The following CEP152 variants were observed in gnomAD, a reference collection of about 807,000 sequenced individuals.
CEP152 encodes the protein centrosomal protein 152, also known as centrosomal protein of 152 kDa.
In CEP152, 132 loss-of-function variants were observed where a neutral mutation model predicts 188.9. The ratio of observed to expected loss-of-function variants is 0.70; its 90% confidence interval spans 0.61 to 0.81. The LOEUF is 0.81. Among genes scored for constraint, CEP152 ranks in the 30% least tolerant of loss-of-function variants. The pLI is 0.00. For missense variants in CEP152, 1,914 were observed against 1,969.8 expected (o/e 0.97, Z 0.54); for synonymous variants, 649 against 666.6 (o/e 0.97, Z 0.41).
At chr15:48,743,810 C>A (rs1893202966) in intron 24 of CEP152, among the ~76,000 whole-genome samples, 1 of 152,082 alleles carries the variant, frequency 6.6e-6, no homozygotes, top group Non-Finnish European at 1.5e-5. Flanking sequence ...TTGCAGTGAG[C>A]CGAGACTGCA....
At position 48,744,220 on chromosome 15, in the gene CEP152, A is replaced by G. The variant is rs146499681; in HGVS notation, c.3835+20T>C. 6.2e-7 allele frequency: 1 copy of G among 1,613,212 alleles called. No individual in the cohort carries two copies. Among genetic ancestry groups the G allele is most frequent in the Non-Finnish European group, 8.5e-7 (1 of 1,179,622 alleles). On this transcript the variant is annotated intron_variant, in intron 24 of 26. Coordinates refer to ENST00000380950, the MANE Select transcript of CEP152 (RefSeq NM_001194998.2). ...AAAAAAGGCCCAAGCCATCCTTAAA[A>G]TCTTCAGAATTAAACTTACATTTAA...
intron 8 of CEP152, 71 bp from the exon 9 acceptor site, chr15:48,789,072 AC>A: frequency 7.9e-7 from 1 of 1,273,250 alleles, no homozygotes; most frequent in South Asian, 1.2e-5. Flanking sequence ...CTGTCTATAA[AC>A]TTTTACTTTT....
chr15:48,748,875 C>A (rs1893673921), intron 21 of CEP152, among the ~76,000 whole-genome samples: 1 of 151,982 alleles, frequency 6.6e-6, no homozygotes, highest in African/African-American at 2.4e-5. Flanking sequence ...AGTCATGAAA[C>A]CTATTGCTCT....
chr15:48,746,734 A>G (rs1893460440), intron 22 of CEP152, among the ~76,000 whole-genome samples: 1 of 152,182 alleles, frequency 6.6e-6, no homozygotes, highest in Non-Finnish European at 1.5e-5. Context: ...ATTGCTATAA[A>G]GACTACACTC....
chr15:48,791,485 A>C, intron 7 of CEP152, 109 bp from the exon 8 acceptor site: 1 of 976,414 alleles, frequency 1.0e-6, no homozygotes, highest in Non-Finnish European at 1.5e-6. Context: ...TGTTGAATTA[A>C]ATTTAATTCA....
In CEP152 at chr15:48,756,020, A is replaced by T; in HGVS notation, c.3228T>A (p.Thr1076=). ...EDKQLLEIMS[T]CSSKWMSVQY... is the part of the protein sequence containing the mutation. Reference sequence around the variant, plus strand: ...GCACAGACATCCATTTTGAAGAACAAGTCGACATGATTTCCAAAAGCTGCT... The same window carrying T: ...GCACAGACATCCATTTTGAAGAACATGTCGACATGATTTCCAAAAGCTGCT... Residue 1076 remains threonine (T), a synonymous_variant, in exon 20 of 27, where the codon ACT becomes ACA. Coordinates refer to ENST00000380950, the MANE Select transcript of CEP152 (RefSeq NM_001194998.2). The T allele has an allele frequency of 6.2e-7, 1 of 1,614,132 alleles. No homozygotes were observed. Among genetic ancestry groups the T allele is most frequent in the East Asian group, 2.2e-5 (1 of 44,882 alleles).
chr15:48,771,192 T>C (rs1567002609), intron 13 of CEP152, among the ~76,000 whole-genome samples: 2 of 152,348 alleles, frequency 1.3e-5, no homozygotes, highest in East Asian at 1.9e-4. Context: ...TGTGATAGCA[T>C]GATCTTACAG....
intron 8 of CEP152, among the ~76,000 whole-genome samples, chr15:48,789,766 G>T (rs1178054948): frequency 6.6e-6 from 1 of 152,160 alleles, no homozygotes; most frequent in Non-Finnish European, 1.5e-5. Flanking sequence ...AACACAGGTG[G>T]CCTCTAGAAG....
chr15:48,735,147 G>T (rs571475505), downstream of CEP152, among the ~76,000 whole-genome samples: 1 of 152,016 alleles, frequency 6.6e-6, no homozygotes, highest in Non-Finnish European at 1.5e-5. Flanking sequence ...TAAAAGGATG[G>T]AAATCATTCA....
intron 20 of CEP152, among the ~76,000 whole-genome samples, chr15:48,754,051 T>C (rs887601900): frequency 6.6e-6 from 1 of 152,210 alleles, no homozygotes; most frequent in African/African-American, 2.4e-5. Flanking sequence ...CACTGCTCTA[T>C]AATCATAGCT....
chr15:48,779,661 A>G (rs1896125821), intron 12 of CEP152, among the ~76,000 whole-genome samples: 1 of 152,216 alleles, frequency 6.6e-6, no homozygotes. Context: ...GCCCAAGCTC[A>G]CAAAGCTGGT....
At chr15:48,771,227 T>C (rs1323744609) in intron 13 of CEP152, among the ~76,000 whole-genome samples, 1 of 152,084 alleles carries the variant, frequency 6.6e-6, no homozygotes, top group African/African-American at 2.4e-5. Context: ...TACTTATTAG[T>C]CATGTGTTTA....
intron 6 of CEP152, among the ~76,000 whole-genome samples, chr15:48,795,455 C>A (rs1251160445): frequency 3.9e-5 from 6 of 152,086 alleles, no homozygotes; most frequent in Non-Finnish European, 8.8e-5. Flanking sequence ...AACTATGTTT[C>A]ATTTTCCAAA....
Position 48,788,840 on chromosome 15 carries a change from T to C in CEP152, c.1134A>G (p.Gln378=), listed in dbSNP as rs1280495008. 1 of 1,614,108 alleles carries C rather than the reference T, an allele frequency of 6.2e-7. No individual in the cohort carries two copies. The highest frequency in any genetic ancestry group is 1.3e-5 in the African/African-American group (1 of 74,936). Residue 378 remains glutamine, a synonymous_variant, in exon 9 of 27, where the codon CAA becomes CAG. Transcript: ENST00000380950. ...KKYEEQVLSL[Q]KNLDATVTAL... ...CGGTGACTGTGGCATCCAAATTCTT[T>C]TGTAAGGACAATACTTGCTCTTCGT...
At chr15:48,736,336 G>A (rs537114899), downstream of CEP152, among the ~76,000 whole-genome samples, 6 of 151,964 alleles carry the variant, frequency 3.9e-5, no homozygotes, top group Non-Finnish European at 8.8e-5. Context: ...AGAGAGCATG[G>A]GAAAACAAGA....
Position 48,770,278 on chromosome 15 carries a change from G to A in CEP152, c.1783-1197C>T, listed in dbSNP as rs555331022. ...CAGATCACTTGAGTCCACAGCTGAA[G>A]TAACTTTGAGAAAAATTGGAGTTTA... is the stretch of plus-strand genomic sequence containing the variant. On this transcript the variant is annotated intron_variant, in intron 13 of 26. Transcript: ENST00000380950. Among the ~76,000 whole-genome samples, 9 of 152,238 alleles carry A rather than the reference G, an allele frequency of 5.9e-5. 1 individual carries two copies. The highest frequency in any genetic ancestry group is 5.9e-4 in the Admixed American group (9 of 15,278).
At chr15:48,752,167 A>G (rs1893919389) in intron 21 of CEP152, among the ~76,000 whole-genome samples, 182 bp downstream of exon 21, 1 of 152,224 alleles carries the variant, frequency 6.6e-6, no homozygotes, top group Non-Finnish European at 1.5e-5. Context: ...CATAAATAGA[A>G]GAAGAGGGCC....
chr15:48,767,031 T>G (rs187058879), intron 17 of CEP152, 29 bp downstream of exon 17: 833 of 1,610,680 alleles, frequency 5.2e-4, no homozygotes, highest in Non-Finnish European at 6.7e-4. Context: ...AGTGAAAGGA[T>G]GTCGATACAA....
Position 48,793,396 on chromosome 15 carries a change from C to G in CEP152, c.757G>C (p.Glu253Gln), listed in dbSNP as rs192488288. The G allele has an allele frequency of 6.2e-7, 1 of 1,613,818 alleles. No homozygotes were observed. Among genetic ancestry groups the G allele is most frequent in the African/African-American group, 1.3e-5 (1 of 75,032 alleles). ...VLNKAKERQL[E>Q]NLIEKLNESE... ...TCATTTAACTTTTCAATTAAGTTCT[C>G]CAGTTGTCTCTCTTTTGCTTTGTTA... Residue 253 changes from glutamate to glutamine, a missense_variant, in exon 7 of 27, where the codon GAG (glutamate) becomes CAG (glutamine). By Grantham distance (29) the Glu-to-Gln change is conservative. Transcript: ENST00000380950.
Sources: allele counts gnomAD v4.1 joint callset (sites outside exome capture counted in the v4.1 genomes callset), GRCh38; gene constraint gnomAD v4.1.1; transcripts MANE v1.5; gene names NCBI Gene and HGNC (gene_info 2026-07-23, HGNC 2026-07-21).